The following PRKCA variants were observed in gnomAD, a reference collection of about 807,000 sequenced individuals.
PRKCA encodes the protein protein kinase C alpha.
A neutral mutation model predicts 87.0 loss-of-function variants in PRKCA; 27 were observed. The ratio of observed to expected loss-of-function variants is 0.31; its 90% CI spans 0.23 to 0.43. The LOEUF is 0.43. Ranked by LOEUF, PRKCA falls within the 20% of genes least tolerant of loss-of-function variation. The pLI is 1.00. For synonymous variants in PRKCA, 329 were observed against 311.1 expected, an observed-to-expected ratio of 1.06 and a Z score of -0.61; for missense variants, 518 against 852.3, an observed-to-expected ratio of 0.61 and a Z score of 4.88.
intron 16 of PRKCA, among the ~76,000 whole-genome samples, chr17:66,797,910 G>A (rs571871073): frequency 6.6e-6 from 1 of 152,328 alleles, no homozygotes; most frequent in South Asian, 2.1e-4. Flanking sequence ...GAGACAGTGC[G>A]CACCCAGCCC....
intron 2 of PRKCA, among the ~76,000 whole-genome samples, chr17:66,486,554 C>G (rs1362201751): frequency 3.3e-5 from 5 of 152,102 alleles, no homozygotes; most frequent in Admixed American, 3.3e-4. Context: ...CCCCCAGGCT[C>G]TCTTCTGACT....
intron 5 of PRKCA, among the ~76,000 whole-genome samples, chr17:66,669,023 G>C (rs1235586260): frequency 6.6e-6 from 1 of 151,900 alleles, no homozygotes; most frequent in African/African-American, 2.4e-5. Context: ...GGATTGTGGA[G>C]CCCATGAGTT....
intron 2 of PRKCA, among the ~76,000 whole-genome samples, chr17:66,354,509 T>G (rs1907932347): frequency 6.6e-6 from 1 of 152,162 alleles, no homozygotes; most frequent in Non-Finnish European, 1.5e-5. Flanking sequence ...ATTTGGAGTA[T>G]ATTTTGAAAA....
At chr17:66,341,607 G>A (rs766905732) in intron 2 of PRKCA, among the ~76,000 whole-genome samples, 1 of 152,166 alleles carries the variant, frequency 6.6e-6, no homozygotes, top group Non-Finnish European at 1.5e-5. Context: ...TTTTGAGTAA[G>A]GAGTACTCAA....
At chr17:66,786,469 T>G (rs905212687) in intron 14 of PRKCA, among the ~76,000 whole-genome samples, 4 of 152,190 alleles carry the variant, frequency 2.6e-5, no homozygotes, top group Non-Finnish European at 5.9e-5. Context: ...GTGTTGGCAT[T>G]TTCTACCGGC....
chr17:66,498,298 T>C (rs894861826), intron 3 of PRKCA, among the ~76,000 whole-genome samples: 3 of 152,204 alleles, frequency 2.0e-5, no homozygotes, highest in Non-Finnish European at 1.5e-5. Flanking sequence ...TGGAGTTGTC[T>C]AAAACCTCAT....
intron 3 of PRKCA, among the ~76,000 whole-genome samples, chr17:66,503,698 C>T (rs1239350997): frequency 6.6e-6 from 1 of 152,146 alleles, no homozygotes; most frequent in African/African-American, 2.4e-5. Flanking sequence ...TCTCTTTCTC[C>T]AGTCCTTTTC....
At chr17:66,751,350 A>C (rs745879215) in intron 13 of PRKCA, among the ~76,000 whole-genome samples, 3 of 152,224 alleles carry the variant, frequency 2.0e-5, no homozygotes, top group Non-Finnish European at 2.9e-5. Flanking sequence ...CAGATGGCAC[A>C]TGGCAGGGGC....
intron 2 of PRKCA, among the ~76,000 whole-genome samples, chr17:66,483,608 G>T (rs1252976354): frequency 6.6e-6 from 1 of 151,950 alleles, no homozygotes; most frequent in Non-Finnish European, 1.5e-5. Context: ...GACTACAGGT[G>T]CTCACCACCT....
At chr17:66,764,636 T>C (rs548167132) in intron 13 of PRKCA, among the ~76,000 whole-genome samples, 24 of 152,350 alleles carry the variant, frequency 1.6e-4, no homozygotes, top group African/African-American at 5.3e-4. Flanking sequence ...TGAATGACAG[T>C]GGCCTTGTTG....
chr17:66,763,505 A>G (rs908467564), intron 13 of PRKCA, among the ~76,000 whole-genome samples: 3 of 152,218 alleles, frequency 2.0e-5, no homozygotes, highest in African/African-American at 7.2e-5. Context: ...TGACCATGTT[A>G]CATGTAAAGA....
intron 2 of PRKCA, among the ~76,000 whole-genome samples, chr17:66,327,812 A>G (rs1005816347): frequency 1.3e-5 from 2 of 151,994 alleles, no homozygotes; most frequent in East Asian, 3.9e-4. Flanking sequence ...TATTCAACAG[A>G]TTTTTTTTCC....
In PRKCA at chr17:66,805,141, T is replaced by C. The variant is rs1428395649; in HGVS notation, c.*1104T>C. Reference sequence around the variant, plus strand: ...TGTCCACTTAGGGATAAAAAGAATATGGTTTTGGTTCCCATTTCTAGTTCA... The same window carrying C: ...TGTCCACTTAGGGATAAAAAGAATACGGTTTTGGTTCCCATTTCTAGTTCA... On this transcript the variant is annotated 3_prime_UTR_variant, in exon 17 of 17. Transcript: ENST00000413366. 3 of 983,222 alleles carry C rather than the reference T, an allele frequency of 3.1e-6. No individual in the cohort carries two copies. The highest frequency in any genetic ancestry group is 3.6e-6 in the Non-Finnish European group (3 of 827,878). The allele number at this position is 983,222 out of a possible 1,614,324, so 60.9% of individuals were successfully genotyped here.
chr17:66,670,055 A>G (rs1475796539), intron 5 of PRKCA, among the ~76,000 whole-genome samples: 2 of 152,234 alleles, frequency 1.3e-5, no homozygotes, highest in Non-Finnish European at 2.9e-5. Context: ...ATAAGAAAAC[A>G]TCACTTACAG....
intron 3 of PRKCA, among the ~76,000 whole-genome samples, chr17:66,545,810 G>A (rs1186331400): frequency 1.3e-5 from 2 of 152,170 alleles, no homozygotes. Flanking sequence ...GTGAATGTTG[G>A]TGGAAAATAT....
chr17:66,624,181 C>G (rs1034431326), intron 3 of PRKCA, among the ~76,000 whole-genome samples: 4 of 151,864 alleles, frequency 2.6e-5, no homozygotes, highest in African/African-American at 7.3e-5. Flanking sequence ...GTTAATCTGA[C>G]TGGGGTAGAG....
chr17:66,308,764 G>A (rs896762370), intron 2 of PRKCA, among the ~76,000 whole-genome samples: 16 of 152,128 alleles, frequency 1.1e-4, no homozygotes, highest in Non-Finnish European at 8.8e-5. Context: ...TCAGGGTGAT[G>A]CTTTTAATCC....
intron 2 of PRKCA, among the ~76,000 whole-genome samples, chr17:66,311,275 G>A (rs1248912118): frequency 6.6e-6 from 1 of 152,184 alleles, no homozygotes; most frequent in Non-Finnish European, 1.5e-5. Flanking sequence ...GAAATGGTCA[G>A]TAATGCCTGA....
chr17:66,368,383 TATA>T (rs147278881), intron 2 of PRKCA, among the ~76,000 whole-genome samples: 8,115 of 39,246 alleles, frequency 0.21, 1,399 homozygotes, highest in Non-Finnish European at 0.27. Flanking sequence ...TATATATATA[TATA>T]TTTTTTTTTT....
Sources: gnomAD v4.1 joint callset for allele counts (sites outside exome capture counted in the v4.1 genomes callset) on GRCh38, gnomAD v4.1.1 for gene constraint, MANE v1.5 for transcripts, NCBI Gene and HGNC (gene_info 2026-07-23, HGNC 2026-07-21) for gene names.